The following ATP8B1 variants were observed in gnomAD, a reference collection of about 807,000 sequenced individuals.
The protein encoded by ATP8B1 is phospholipid-transporting ATPase IC.
A neutral mutation model predicts 149.9 loss-of-function variants in ATP8B1; 80 were observed. The ratio of observed to expected loss-of-function variants is 0.53; its 90% CI spans 0.45 to 0.64. ATP8B1 has a LOEUF of 0.64. Among genes scored for constraint, ATP8B1 ranks in the 30% least tolerant of loss-of-function variants. ATP8B1 has a pLI of 0.00. For synonymous variants in ATP8B1, 536 were observed against 562.8 expected (o/e 0.95, Z 0.67); for missense variants, 1,247 against 1,552.6 (o/e 0.80, Z 3.31).
intron 1 of ATP8B1, among the ~76,000 whole-genome samples, chr18:57,776,480 C>T (rs7239484): frequency 0.16 from 24,817 of 152,190 alleles, 2,187 homozygotes; most frequent in Middle Eastern, 0.24. Flanking sequence ...CAGGGCCAGG[C>T]AGGGAAAGAG....
At position 57,803,110 on chromosome 18, in the gene ATP8B1, G is replaced by A. The variant is rs951308870; in HGVS notation, c.-138C>T. ...GCCCGGCCCCAGCCCTGGCCGCCGC[G>A]CTAGCGCTGCATGGCGCACGGGGGC... On this transcript the variant is annotated 5_prime_UTR_variant, in exon 1 of 28. Coordinates refer to ENST00000648908, the MANE Select transcript of ATP8B1 (RefSeq NM_001374385.1). The A allele has an allele frequency of 6.6e-6, 1 of 151,824 alleles. No individual in the cohort carries two copies. The highest frequency in any genetic ancestry group is 2.4e-5 in the African/African-American group (1 of 41,396). 9.4% of individuals were successfully genotyped at this position (151,824 alleles called of 1,614,324 possible).
intron 2 of ATP8B1, among the ~76,000 whole-genome samples, chr18:57,713,654 C>T (rs1477561854): frequency 6.6e-6 from 1 of 151,438 alleles, no homozygotes; most frequent in Non-Finnish European, 1.5e-5. Flanking sequence ...CCATGCTTGG[C>T]TAATTTTGTA....
At chr18:57,719,345 G>C (rs1015879444) in intron 2 of ATP8B1, among the ~76,000 whole-genome samples, 1 of 152,200 alleles carries the variant, frequency 6.6e-6, no homozygotes, top group African/African-American at 2.4e-5. Context: ...TCCATCTGAG[G>C]TACCGGGTTC....
intron 5 of ATP8B1, 21 bp downstream of exon 5, chr18:57,701,194 C>T (rs1913102454): frequency 1.3e-5 from 21 of 1,613,092 alleles, no homozygotes; most frequent in Non-Finnish European, 1.7e-5. Context: ...ATGAGTAGAA[C>T]GTTGTATGAG....
intron 22 of ATP8B1, among the ~76,000 whole-genome samples, chr18:57,656,294 T>C (rs1438317889): frequency 6.6e-6 from 1 of 152,198 alleles, no homozygotes; most frequent in Non-Finnish European, 1.5e-5. Context: ...AGTCTCTCTC[T>C]TGATATTCTG....
rs765750870 is a variant in ATP8B1 at position 57,732,968 on chromosome 18, A to C, written c.-25-1136T>G. Reference sequence around the variant, plus strand: ...GCCTTTGTTCTGATACAACATTTTTAATATAACCTTAGATCTTCCAAGTTT... The same window carrying C: ...GCCTTTGTTCTGATACAACATTTTTCATATAACCTTAGATCTTCCAAGTTT... On this transcript the variant is annotated intron_variant, in intron 1 of 27. Transcript: ENST00000648908. Among the ~76,000 whole-genome samples the C allele has an allele frequency of 2.6e-5, 4 of 151,676 alleles. 1 individual carries two copies. Among genetic ancestry groups the C allele is most frequent in the East Asian group, 4.2e-4 (2 of 4,724 alleles).
At chr18:57,764,105 C>T (rs974815357) in intron 1 of ATP8B1, among the ~76,000 whole-genome samples, 6 of 152,210 alleles carry the variant, frequency 3.9e-5, no homozygotes, top group East Asian at 1.9e-4. Flanking sequence ...CGGTCACTCT[C>T]GCTTTAGCAG....
rs1447025654 is a variant in ATP8B1 at position 57,685,119 on chromosome 18, A to T, written c.1430-4T>A. On this transcript the variant is annotated splice_polypyrimidine_tract_variant and splice_region_variant and intron_variant, in intron 13 of 27. Transcript: ENST00000648908. ...TGAGAGGCATCCCGATGGTCCCCTG[A>T]GAAACAAACAGGACAAAACAAATTG... 6.2e-7 allele frequency: 1 copy of T among 1,614,066 alleles called. No homozygotes were observed. The highest frequency in any genetic ancestry group is 1.3e-5 in the African/African-American group (1 of 74,934).
intron 1 of ATP8B1, among the ~76,000 whole-genome samples, chr18:57,800,315 C>A (rs2080561843): frequency 6.6e-6 from 1 of 152,132 alleles, no homozygotes; most frequent in Non-Finnish European, 1.5e-5. Context: ...GGCAACATAA[C>A]AAGGCCCTGT....
At position 57,658,195 on chromosome 18, in the gene ATP8B1, C is replaced by T. The variant is rs565809793; in HGVS notation, c.2708-2778G>A. Among the ~76,000 whole-genome samples the T allele has an allele frequency of 3.9e-5, 6 of 151,996 alleles. No individual in the cohort carries two copies. The South Asian group carries it at 8.3e-4, about 21-fold the overall frequency. ...CCGAGTGGCTGGGATTACAGGTGCC[C>T]GCCACCCCCATGCCCGGCTAATTTT... On this transcript the variant is annotated intron_variant, in intron 22 of 27. Coordinates refer to ENST00000648908, the MANE Select transcript of ATP8B1 (RefSeq NM_001374385.1).
chr18:57,793,434 C>T lies in ATP8B1; in HGVS notation c.-26+9564G>A, dbSNP rs546647416. Among the ~76,000 whole-genome samples the T allele has an allele frequency of 6.6e-5, 10 of 152,064 alleles. No homozygotes were observed. In the South Asian group the frequency reaches 1.5e-3, roughly 22 times the overall value. ...TGGCTTTGCCTCCTGCTTGAACTCC[C>T]GGATTGGGAGCCTTCTGCCTGGACT... On this transcript the variant is annotated intron_variant, in intron 1 of 27. Coordinates refer to ENST00000648908, the MANE Select transcript of ATP8B1 (RefSeq NM_001374385.1).
At chr18:57,697,744 C>T in intron 7 of ATP8B1, 51 bp downstream of exon 7, 1 of 1,612,916 alleles carries the variant, frequency 6.2e-7, no homozygotes, top group African/African-American at 1.3e-5. Context: ...AAGCCGAGCA[C>T]AGGGGCTGGG....
At chr18:57,699,199 C>T (rs777465526) in intron 6 of ATP8B1, among the ~76,000 whole-genome samples, 6 of 152,168 alleles carry the variant, frequency 3.9e-5, no homozygotes, top group Non-Finnish European at 7.3e-5. Context: ...GACTTACAGC[C>T]GTACTTCCAC....
chr18:57,783,549 T>C lies in ATP8B1; in HGVS notation c.-26+19449A>G, dbSNP rs868487660. On this transcript the variant is annotated intron_variant, in intron 1 of 27. Transcript: ENST00000648908. ...CAAGAAGAGACAATATAAAAGGAAA[T>C]TGAAGACCGGGCATAGTGGCTCATA... Among the ~76,000 whole-genome samples, 3 of 151,968 alleles carry C rather than the reference T, an allele frequency of 2.0e-5. No individual in the cohort carries two copies. The South Asian group carries it at 6.2e-4, about 32-fold the overall frequency.
chr18:57,732,962 ATTTTTAATATAAC>A lies in ATP8B1; in HGVS notation c.-25-1143_-25-1131del, dbSNP rs1170211952. Reference sequence around the variant, plus strand: ...TCCTGAGCCTTTGTTCTGATACAACATTTTTAATATAACCTTAGATCTTCCAAGTTTACTGACT... The same window carrying A: ...TCCTGAGCCTTTGTTCTGATACAACACTTAGATCTTCCAAGTTTACTGACT... On this transcript the variant is annotated intron_variant, in intron 1 of 27. Coordinates refer to ENST00000648908, the MANE Select transcript of ATP8B1 (RefSeq NM_001374385.1). 1.9e-3 allele frequency among the ~76,000 whole-genome samples: 286 copies of A among 152,252 alleles called. 8 individuals are homozygous for A. In the East Asian group the frequency reaches 0.045, roughly 24 times the overall value.
intron 2 of ATP8B1, among the ~76,000 whole-genome samples, chr18:57,724,581 C>G (rs1455996519): frequency 1.3e-5 from 2 of 151,688 alleles, no homozygotes; most frequent in Non-Finnish European, 2.9e-5. Context: ...GAATGGCAAT[C>G]ATTAAAAAGC....
rs2080590915 is a variant in ATP8B1, at chr18:57,802,618, C to T, written c.-26+380G>A. 6.6e-6 allele frequency among the ~76,000 whole-genome samples: 1 copy of T among 152,246 alleles called. No homozygotes were observed. Among genetic ancestry groups the T allele is most frequent in the African/African-American group, 2.4e-5 (1 of 41,466 alleles). Reference sequence around the variant, plus strand: ...GGTCTTCCAGAGGGGCGGTAGCCACCGCACAGGAGCCAGCGGCATCCCCCA... The same window carrying T: ...GGTCTTCCAGAGGGGCGGTAGCCACTGCACAGGAGCCAGCGGCATCCCCCA... On this transcript the variant is annotated intron_variant, in intron 1 of 27. Coordinates refer to ENST00000648908, the MANE Select transcript of ATP8B1 (RefSeq NM_001374385.1). The surrounding 1 kb of genome is among the most constrained non-coding windows in gnomAD (Gnocchi z 4.9).
chr18:57,772,793 G>A (rs2123380186), intron 1 of ATP8B1, among the ~76,000 whole-genome samples: 1 of 152,250 alleles, frequency 6.6e-6, no homozygotes, highest in East Asian at 1.9e-4. Context: ...CATAGAGCAG[G>A]GAAGGGGGCC....
In ATP8B1 at chr18:57,654,389, G is replaced by A. The variant is rs186606305; in HGVS notation, c.2932-314C>T. Among the ~76,000 whole-genome samples the A allele has an allele frequency of 1.7e-3, 262 of 151,942 alleles. 2 individuals carry two copies. The highest frequency in any genetic ancestry group is 6.0e-3 in the African/African-American group (249 of 41,434). Reference sequence around the variant, plus strand: ...GCTGGAGTACAGTGGCGTGATCTTGGCTCACTGTACCTTCTGCCTCCCAGG... The same window carrying A: ...GCTGGAGTACAGTGGCGTGATCTTGACTCACTGTACCTTCTGCCTCCCAGG... On this transcript the variant is annotated intron_variant, in intron 23 of 27. Transcript: ENST00000648908.
Sources: gnomAD v4.1 joint callset for allele counts (sites outside exome capture counted in the v4.1 genomes callset) on GRCh38, gnomAD v4.1.1 for gene constraint, Gnocchi (gnomAD v3.1) non-coding constraint, MANE v1.5 for transcripts, NCBI Gene and HGNC (gene_info 2026-07-23, HGNC 2026-07-21) for gene names.